The following ADCY5 variants were observed in gnomAD, a reference collection of about 807,000 sequenced individuals.
ADCY5 encodes adenylate cyclase type 5.
In ADCY5, 30 loss-of-function variants were observed where a neutral mutation model predicts 119.7. The observed-to-expected ratio is 0.25, with a 90% CI of 0.19 to 0.34. The LOEUF (loss-of-function observed/expected upper bound fraction) is 0.34. Ranked by LOEUF, ADCY5 falls within the 10% of genes least tolerant of loss-of-function variation. The probability of loss-of-function intolerance (pLI) is 1.00; values close to 1 mark genes in which losing one functional copy is unlikely to be tolerated. For synonymous variants in ADCY5, 753 were observed against 762.2 expected, an observed-to-expected ratio of 0.99 and a Z score of 0.20; for missense variants, 1,324 against 1,775.2, an observed-to-expected ratio of 0.75 and a Z score of 4.57.
At chr3:123,419,454 C>T in intron 1 of ADCY5, among the ~76,000 whole-genome samples, 1 of 152,128 alleles carries the variant, frequency 6.6e-6, no homozygotes, top group East Asian at 1.9e-4. Context: ...GCCAGACTTG[C>T]ATCAGCCTCC....
At chr3:123,295,591 C>A (rs1013615965) in intron 17 of ADCY5, among the ~76,000 whole-genome samples, 1 of 152,206 alleles carries the variant, frequency 6.6e-6, no homozygotes, top group Non-Finnish European at 1.5e-5. Context: ...AGTCTTCAAC[C>A]CAGCTCTGGC....
rs1945848122 is a variant in ADCY5, at chr3:123,447,675, C to T, written c.871G>A (p.Ala291Thr). 3.1e-6 allele frequency: 5 copies of T among 1,605,340 alleles called. No homozygotes were observed. The highest frequency in any genetic ancestry group is 4.3e-6 in the Non-Finnish European group (5 of 1,175,482). The change falls in exon 1 of 21, where the codon GCC becomes ACC. Residue 291 changes from alanine to threonine, a missense_variant. Ala to Thr is a moderately conservative substitution (Grantham distance 58). Coordinates refer to ENST00000462833, the MANE Select transcript of ADCY5 (RefSeq NM_183357.3). ...CCCATGTGGTCCTGGTGGAAGGCGGCGCGGTTGCAAAGCACAGCCATGATG... is the reference window on the plus strand; with the variant it reads ...CCCATGTGGTCCTGGTGGAAGGCGGTGCGGTTGCAAAGCACAGCCATGATG... ...ILIMAVLCNR[A>T]AFHQDHMGLA... is the part of the protein sequence containing the mutation.
intron 1 of ADCY5, chr3:123,416,170 GC>G: frequency 1.3e-6 from 2 of 1,536,034 alleles, no homozygotes; most frequent in East Asian, 4.9e-5. Context: ...GCCTGAGGTG[GC>G]CATGACACTC....
At chr3:123,418,705 ACAC>A (rs1945236925) in intron 1 of ADCY5, 2 of 152,188 alleles carry the variant, frequency 1.3e-5, no homozygotes, top group African/African-American at 2.4e-5. Context: ...CCACCTTCCA[ACAC>A]CACCACATCG....
chr3:123,330,840 T>C, intron 5 of ADCY5, 49 bp downstream of exon 5: 3 of 1,556,264 alleles, frequency 1.9e-6, no homozygotes, highest in Non-Finnish European at 2.6e-6. Flanking sequence ...TCGCTCGGGC[T>C]GTGGACAGTC....
intron 8 of ADCY5, 28 bp from the exon 9 acceptor site, chr3:123,320,799 A>C: frequency 6.5e-7 from 1 of 1,544,930 alleles, no homozygotes; most frequent in Non-Finnish European, 8.9e-7. Context: ...AAAGAGAAAG[A>C]GAAGAGAATG....
intron 1 of ADCY5, among the ~76,000 whole-genome samples, chr3:123,354,374 C>T (rs765533075): frequency 9.9e-5 from 15 of 152,158 alleles, no homozygotes; most frequent in South Asian, 6.2e-4. Context: ...CAAAGACCTG[C>T]GTGTGGCTGG....
At chr3:123,334,294 G>A (rs1941922527) in intron 3 of ADCY5, among the ~76,000 whole-genome samples, 1 of 152,094 alleles carries the variant, frequency 6.6e-6, no homozygotes, top group African/African-American at 2.4e-5. Flanking sequence ...CAGAGACAGC[G>A]GCGTGGCAGG....
Position 123,297,372 on chromosome 3 carries a change from T to C in ADCY5, c.2911A>G (p.Asn971Asp), listed in dbSNP as rs1559784712. The C allele has an allele frequency of 6.2e-7, 1 of 1,614,026 alleles. No individual in the cohort carries two copies. The change falls in exon 16 of 21, where the codon AAC becomes GAC. Residue 971 changes from asparagine to aspartate, a missense_variant. Asn to Asp is a conservative substitution (Grantham distance 23, BLOSUM62 1). Around this residue, in one of 6 missense-constraint regions of ADCY5, gnomAD observed 424 missense variants for 546.8 expected, o/e 0.78. Transcript: ENST00000462833. ...LVTANAIDFF[N>D]NGTSQCPEHA... ...ACTCACCACTGGGAGGTCCCGTTGT[T>C]GAAGAAGTCTCTGTGAAGAGAGTTG...
intron 1 of ADCY5, among the ~76,000 whole-genome samples, chr3:123,354,081 A>C (rs543183412): frequency 1.3e-5 from 2 of 151,662 alleles, no homozygotes; most frequent in East Asian, 3.9e-4. Context: ...ATATCCTTCC[A>C]CTCCAACCCC....
intron 3 of ADCY5, among the ~76,000 whole-genome samples, chr3:123,335,595 C>G (rs905649639): frequency 4.6e-5 from 7 of 152,192 alleles, no homozygotes; most frequent in Admixed American, 3.3e-4. Flanking sequence ...ATCCAACACC[C>G]TGGCACTGTG....
chr3:123,360,680 A>C (rs1943219265), intron 1 of ADCY5, among the ~76,000 whole-genome samples: 1 of 152,242 alleles, frequency 6.6e-6, no homozygotes, highest in African/African-American at 2.4e-5. Context: ...TATTTAATAC[A>C]ACTTTAATGT....
chr3:123,402,151 T>C (rs549611861), intron 1 of ADCY5, among the ~76,000 whole-genome samples: 1 of 152,136 alleles, frequency 6.6e-6, no homozygotes, highest in Non-Finnish European at 1.5e-5. Context: ...TGAGCTGAGA[T>C]AGGCTGAGAA....
chr3:123,336,821 G>A (rs957840759), intron 3 of ADCY5, among the ~76,000 whole-genome samples: 40 of 152,270 alleles, frequency 2.6e-4, no homozygotes, highest in Admixed American at 2.2e-3. Context: ...CTTGGCAAGC[G>A]CATTCTTCCA....
chr3:123,291,173 G>T lies in ADCY5; in HGVS notation c.3267C>A (p.Ala1089=). The T allele has an allele frequency of 1.2e-6, 2 of 1,614,072 alleles. No individual in the cohort carries two copies. The highest frequency in any genetic ancestry group is 1.7e-6 in the Non-Finnish European group (2 of 1,180,042). ...GCAGGCACTCGACACCCTCGTTGTT[G>T]GCCTCCAGCTCAACGTAGAACTCGG... ...NFSEFYVELE[A]NNEGVECLRL... Residue 1089 remains alanine, a synonymous_variant, in exon 18 of 21, where the codon GCC becomes GCA. Coordinates refer to ENST00000462833, the MANE Select transcript of ADCY5 (RefSeq NM_183357.3).
At chr3:123,375,501 G>A (rs955261825) in intron 1 of ADCY5, among the ~76,000 whole-genome samples, 2 of 152,208 alleles carry the variant, frequency 1.3e-5, no homozygotes, top group Admixed American at 6.5e-5. Flanking sequence ...CACCAGTCTG[G>A]GGCAGGCCCC....
At chr3:123,428,186 T>TC (rs1366467436) in intron 1 of ADCY5, among the ~76,000 whole-genome samples, 22 of 152,168 alleles carry the variant, frequency 1.4e-4, no homozygotes, top group African/African-American at 5.1e-4. Context: ...TGGAGTACAG[T>TC]CCCTTCTTAT....
intron 12 of ADCY5, among the ~76,000 whole-genome samples, chr3:123,310,365 C>G (rs551365398): frequency 6.6e-6 from 1 of 152,204 alleles, no homozygotes; most frequent in South Asian, 2.1e-4. Context: ...GCAGGAGCTC[C>G]AGGGAGTCCA....
At chr3:123,296,301 C>T in intron 16 of ADCY5, 85 bp from the exon 17 acceptor site, 1 of 1,462,490 alleles carries the variant, frequency 6.8e-7, no homozygotes, top group Admixed American at 1.9e-5. Flanking sequence ...CACTGCTGGC[C>T]CTGTTTTCTT....
Sources: allele counts gnomAD v4.1 joint callset (sites outside exome capture counted in the v4.1 genomes callset), GRCh38; gene constraint gnomAD v4.1.1; regional missense constraint gnomAD v4.1.1; transcripts MANE v1.5; gene names NCBI Gene and HGNC (gene_info 2026-07-23, HGNC 2026-07-21).